SYNDIG1: variants seen among roughly 807,000 people sequenced by gnomAD.
SYNDIG1 encodes synapse differentiation-inducing gene protein 1.
A neutral mutation model predicts 19.4 loss-of-function variants in SYNDIG1; 9 were observed. The observed-to-expected ratio is 0.46, with a 90% CI of 0.28 to 0.81. SYNDIG1 has a LOEUF of 0.81. Among genes scored for constraint, SYNDIG1 ranks in the 30% least tolerant of loss-of-function variants. SYNDIG1 has a pLI of 0.12. For missense variants in SYNDIG1, 311 were observed against 343.3 expected (o/e 0.91, Z 0.74); for synonymous variants, 141 against 145.9 (o/e 0.97, Z 0.24).
chr20:24,478,468 G>T (rs1229711288), intron 1 of SYNDIG1, among the ~76,000 whole-genome samples: 1 of 152,228 alleles, frequency 6.6e-6, no homozygotes. Context: ...GGCAGAGCCA[G>T]GGCACAGGGA....
At chr20:24,547,533 C>G (rs2057604291) in intron 2 of SYNDIG1, among the ~76,000 whole-genome samples, 1 of 152,012 alleles carries the variant, frequency 6.6e-6, no homozygotes, top group Non-Finnish European at 1.5e-5. Context: ...TGCGGGAGTG[C>G]AGAGGTGCCA....
intron 3 of SYNDIG1, among the ~76,000 whole-genome samples, chr20:24,609,847 A>G (rs1374379583): frequency 6.6e-6 from 1 of 151,986 alleles, no homozygotes; most frequent in Non-Finnish European, 1.5e-5. Context: ...AGCCCACTCC[A>G]CCCAACCTGA....
chr20:24,640,641 A>G (rs149203229), intron 3 of SYNDIG1, among the ~76,000 whole-genome samples: 100 of 152,262 alleles, frequency 6.6e-4, no homozygotes, highest in African/African-American at 2.3e-3. Flanking sequence ...TTGTTTTTCT[A>G]TGAAATTGAC....
chr20:24,660,956 C>A (rs1220426950), intron 3 of SYNDIG1, among the ~76,000 whole-genome samples: 4 of 152,216 alleles, frequency 2.6e-5, no homozygotes, highest in Admixed American at 6.5e-5. Context: ...GGTCACCCGC[C>A]CGCAGTGCTG....
intron 3 of SYNDIG1, among the ~76,000 whole-genome samples, chr20:24,638,692 A>G (rs1279563697): frequency 6.6e-6 from 1 of 152,206 alleles, no homozygotes; most frequent in Non-Finnish European, 1.5e-5. Context: ...TCATTGGATG[A>G]ATATCTGTGA....
chr20:24,508,374 G>A (rs537287931), intron 1 of SYNDIG1, among the ~76,000 whole-genome samples: 8 of 151,882 alleles, frequency 5.3e-5, no homozygotes, highest in Non-Finnish European at 1.0e-4. Context: ...GATTACAGGC[G>A]TGCACCACTA....
rs548410759 is a variant in SYNDIG1 at position 24,664,033 on chromosome 20, C to T, written c.619-1313C>T. Among the ~76,000 whole-genome samples the T allele has an allele frequency of 3.9e-4, 60 of 152,220 alleles. No individual in the cohort carries two copies. The Middle Eastern group carries it at 0.01, about 26-fold the overall frequency. ...TTGCATCCCTTTATCTCTGCTCCCT[C>T]CAGAATTGTCCATAGTGAGCTCTGA... On this transcript the variant is annotated intron_variant, in intron 3 of 3. Transcript: ENST00000376862.
chr20:24,618,664 C>T (rs1425489754), intron 3 of SYNDIG1, among the ~76,000 whole-genome samples: 2 of 152,180 alleles, frequency 1.3e-5, no homozygotes, highest in Non-Finnish European at 2.9e-5. Context: ...AATGTTCCTT[C>T]CCACTGTGCA....
intron 3 of SYNDIG1, among the ~76,000 whole-genome samples, chr20:24,647,518 CAG>C (rs906825044): frequency 6.6e-6 from 1 of 151,890 alleles, no homozygotes; most frequent in African/African-American, 2.4e-5. Flanking sequence ...AAGTGCGGCA[CAG>C]GGGATGGGGG....
intron 3 of SYNDIG1, among the ~76,000 whole-genome samples, chr20:24,616,566 C>T (rs1373382861): frequency 6.6e-6 from 1 of 152,244 alleles, no homozygotes; most frequent in Non-Finnish European, 1.5e-5. Flanking sequence ...CTGGGTTCAG[C>T]AGAAGGAAGC....
At chr20:24,569,043 A>G (rs563474138) in intron 2 of SYNDIG1, among the ~76,000 whole-genome samples, 15 of 152,332 alleles carry the variant, frequency 9.8e-5, no homozygotes, top group African/African-American at 3.6e-4. Flanking sequence ...GTGAGGAGAC[A>G]GTGCAGGTGT....
chr20:24,649,469 G>C (rs145405105), intron 3 of SYNDIG1, among the ~76,000 whole-genome samples: 1 of 152,136 alleles, frequency 6.6e-6, no homozygotes, highest in African/African-American at 2.4e-5. Flanking sequence ...TCTTGCACAC[G>C]TGTATCTATA....
chr20:24,488,903 C>G (rs1374437108), intron 1 of SYNDIG1, among the ~76,000 whole-genome samples: 2 of 152,198 alleles, frequency 1.3e-5, no homozygotes, highest in African/African-American at 4.8e-5. Flanking sequence ...CTCCACAGCT[C>G]TGGAATGGGG....
rs138047241 is a variant in SYNDIG1 at position 24,477,961 on chromosome 20, G to T, written c.-79+8208G>T. Among the ~76,000 whole-genome samples the T allele has an allele frequency of 1.8e-3, 274 of 152,282 alleles. 2 individuals are homozygous for T. Among genetic ancestry groups the T allele is most frequent in the African/African-American group, 6.4e-3 (265 of 41,552 alleles). ...ACAGACGTGGGCTTCCAGCATTACCGACCTCAGGATTTGGCTCTGGGCTGG... is the reference window on the plus strand; with the variant it reads ...ACAGACGTGGGCTTCCAGCATTACCTACCTCAGGATTTGGCTCTGGGCTGG... On this transcript the variant is annotated intron_variant, in intron 1 of 3. Transcript: ENST00000376862.
intron 2 of SYNDIG1, among the ~76,000 whole-genome samples, chr20:24,571,769 A>G (rs1161756829): frequency 6.6e-6 from 1 of 152,236 alleles, no homozygotes; most frequent in Non-Finnish European, 1.5e-5. Context: ...GAGGTTTACT[A>G]TAATTTGGTT....
At chr20:24,529,783 T>G (rs1446724545) in intron 1 of SYNDIG1, among the ~76,000 whole-genome samples, 1 of 151,752 alleles carries the variant, frequency 6.6e-6, no homozygotes, top group Non-Finnish European at 1.5e-5. Flanking sequence ...GTTTCAGTGG[T>G]GGGGACGGTG....
At chr20:24,603,639 G>A (rs751475702) in intron 3 of SYNDIG1, among the ~76,000 whole-genome samples, 1 of 152,226 alleles carries the variant, frequency 6.6e-6, no homozygotes, top group Non-Finnish European at 1.5e-5. Context: ...AGCAGGGTCT[G>A]TCCACTAACA....
At chr20:24,524,137 A>G (rs2146564000) in intron 1 of SYNDIG1, among the ~76,000 whole-genome samples, 1 of 152,238 alleles carries the variant, frequency 6.6e-6, no homozygotes, top group South Asian at 2.1e-4. Context: ...TTGGTAGAGT[A>G]CATACTTTAA....
intron 3 of SYNDIG1, among the ~76,000 whole-genome samples, chr20:24,611,765 A>G (rs558534339): frequency 1.3e-5 from 2 of 152,248 alleles, no homozygotes; most frequent in African/African-American, 2.4e-5. Flanking sequence ...TCTGCTGTTC[A>G]GTTTTAGCCC....
Sources: allele counts gnomAD v4.1 joint callset (sites outside exome capture counted in the v4.1 genomes callset), GRCh38; gene constraint gnomAD v4.1.1; transcripts MANE v1.5; gene names NCBI Gene and HGNC (gene_info 2026-07-23, HGNC 2026-07-21).